ZNF704: variants seen among roughly 807,000 people sequenced by gnomAD.
ZNF704 encodes zinc finger protein 704, also known as glucocorticoid induced gene 1.
Under a neutral mutation model 44.7 loss-of-function variants are expected in ZNF704, and 10 were observed. The ratio of observed to expected loss-of-function variants is 0.22; its 90% CI spans 0.14 to 0.38. ZNF704 has a LOEUF of 0.38. ZNF704 is among the 10% of genes least tolerant of loss of function. ZNF704 has a pLI of 1.00. For missense variants in ZNF704, 390 were observed against 545.5 expected (o/e 0.71, Z 2.84); for synonymous variants, 211 against 207.6 (o/e 1.02, Z -0.14).
chr8:80,757,521 C>T (rs1807056448), intron 2 of ZNF704, among the ~76,000 whole-genome samples: 2 of 151,356 alleles, frequency 1.3e-5, no homozygotes, highest in African/African-American at 2.4e-5. Flanking sequence ...TAATATATTG[C>T]TGAAGAAATT....
At position 80,828,708 on chromosome 8, in the gene ZNF704, A is replaced by C. The variant is rs889333030; in HGVS notation, c.-21-7093T>G. On this transcript the variant is annotated intron_variant, in intron 1 of 8. Transcript: ENST00000327835. ...GCCATAAGCATAAATCATTTTCAGA[A>C]TACAAGGAGAATATGTGTGTTTGAT... 3.3e-5 allele frequency among the ~76,000 whole-genome samples: 5 copies of C among 152,372 alleles called. No homozygotes were observed. The South Asian group carries it at 6.2e-4, about 19-fold the overall frequency.
chr8:80,652,025 G>A (rs1208730727), intron 7 of ZNF704, among the ~76,000 whole-genome samples: 23 of 151,964 alleles, frequency 1.5e-4, no homozygotes, highest in Admixed American at 9.2e-4. Flanking sequence ...ACTCAAAACC[G>A]CTCAACTACA....
intron 2 of ZNF704, among the ~76,000 whole-genome samples, chr8:80,792,312 AAGTAT>A (rs1423949804): frequency 6.6e-6 from 1 of 152,212 alleles, no homozygotes; most frequent in African/African-American, 2.4e-5. Context: ...AACACCCAAA[AAGTAT>A]GCAAACCCTT....
intron 2 of ZNF704, among the ~76,000 whole-genome samples, chr8:80,731,775 A>G (rs985684314): frequency 2.6e-5 from 4 of 152,114 alleles, no homozygotes; most frequent in African/African-American, 9.7e-5. Flanking sequence ...AAAAAAACAA[A>G]CAAACCAGAA....
the ZNF704 span, among the ~76,000 whole-genome samples, chr8:80,882,486 G>A: frequency 6.6e-6 from 1 of 152,084 alleles, no homozygotes; most frequent in Non-Finnish European, 1.5e-5. Flanking sequence ...ACTTGTGTGA[G>A]CCCTTGGCAT....
intron 1 of ZNF704, among the ~76,000 whole-genome samples, chr8:80,836,109 G>A (rs1184009930): frequency 6.6e-6 from 1 of 152,092 alleles, no homozygotes; most frequent in Non-Finnish European, 1.5e-5. Context: ...CCCCTCCTTG[G>A]CTGAGAACCC....
intron 2 of ZNF704, among the ~76,000 whole-genome samples, chr8:80,799,087 A>G (rs549413754): frequency 1.3e-5 from 2 of 152,336 alleles, no homozygotes; most frequent in Non-Finnish European, 2.9e-5. Context: ...TGATCCATAA[A>G]TAGAATTAAC....
intron 3 of ZNF704, 49 bp downstream of exon 3, chr8:80,692,955 G>A (rs770975712): frequency 6.6e-7 from 1 of 1,521,712 alleles, no homozygotes; most frequent in South Asian, 1.1e-5. Flanking sequence ...GAAAGGCCCT[G>A]CTCTTGGTGT....
chr8:80,653,972 G>A (rs1265221503), intron 7 of ZNF704, among the ~76,000 whole-genome samples: 1 of 152,196 alleles, frequency 6.6e-6, no homozygotes, highest in Non-Finnish European at 1.5e-5. Context: ...AAATAGCATG[G>A]TAATGGTACC....
rs1250539826 is a variant in ZNF704, at chr8:80,630,909, C to T, written c.*10457G>A. ...TTTTAAAAAAAACATGTATGATCCA[C>T]ATTCCTGGGTTAGTTTACACCCAGG... On this transcript the variant is annotated 3_prime_UTR_variant, in exon 9 of 9. Coordinates refer to ENST00000327835, the MANE Select transcript of ZNF704 (RefSeq NM_001033723.3). 1 of 152,102 alleles carries T rather than the reference C, an allele frequency of 6.6e-6. No homozygotes were observed. Among genetic ancestry groups the T allele is most frequent in the Admixed American group, 6.5e-5 (1 of 15,270 alleles). 9.4% of individuals were successfully genotyped at this position (152,102 alleles called of 1,614,324 possible).
intron 2 of ZNF704, among the ~76,000 whole-genome samples, chr8:80,715,634 T>C (rs543726570): frequency 1.3e-5 from 2 of 152,322 alleles, no homozygotes; most frequent in Non-Finnish European, 2.9e-5. Context: ...CAAAACTTCT[T>C]GCACATTAGA....
chr8:80,838,234 C>T (rs940759910), intron 1 of ZNF704, among the ~76,000 whole-genome samples: 1 of 152,186 alleles, frequency 6.6e-6, no homozygotes, highest in Non-Finnish European at 1.5e-5. Flanking sequence ...TCAACAGAAA[C>T]TTTAAGACAT....
At chr8:80,681,262 T>C (rs965892486) in intron 4 of ZNF704, among the ~76,000 whole-genome samples, 2 of 152,210 alleles carry the variant, frequency 1.3e-5, no homozygotes, top group African/African-American at 4.8e-5. Flanking sequence ...CTGGGTCATA[T>C]GGTAAGTGTA....
chr8:80,739,997 G>C lies in ZNF704; in HGVS notation c.222-46890C>G, dbSNP rs143743474. Among the ~76,000 whole-genome samples the C allele has an allele frequency of 1.4e-3, 208 of 152,206 alleles. 1 individual carries two copies. Among genetic ancestry groups the C allele is most frequent in the African/African-American group, 4.5e-3 (188 of 41,522 alleles). On this transcript the variant is annotated intron_variant, in intron 2 of 8. Coordinates refer to ENST00000327835, the MANE Select transcript of ZNF704 (RefSeq NM_001033723.3). ...CCCTCACAGAACCCCGGGTATGCTTGACCATTGAGGGTCAGGAGGTTAACT... is the reference window on the plus strand; with the variant it reads ...CCCTCACAGAACCCCGGGTATGCTTCACCATTGAGGGTCAGGAGGTTAACT...
chr8:80,654,874 A>C (rs990830960), intron 7 of ZNF704, among the ~76,000 whole-genome samples: 33 of 152,374 alleles, frequency 2.2e-4, no homozygotes, highest in African/African-American at 7.9e-4. Context: ...TCATGCTGCT[A>C]TAAAGACACA....
At chr8:80,804,191 G>A (rs1434463107) in intron 2 of ZNF704, among the ~76,000 whole-genome samples, 1 of 152,120 alleles carries the variant, frequency 6.6e-6, no homozygotes, top group Non-Finnish European at 1.5e-5. Context: ...ATGCTGGTGA[G>A]GTTGCAGAGA....
At chr8:80,665,853 T>G (rs1303782822) in intron 5 of ZNF704, among the ~76,000 whole-genome samples, 1 of 151,880 alleles carries the variant, frequency 6.6e-6, no homozygotes, top group Non-Finnish European at 1.5e-5. Flanking sequence ...TGATTGTAAG[T>G]TTCCTGAGAC....
chr8:80,654,938 A>G (rs1468274494), intron 7 of ZNF704, among the ~76,000 whole-genome samples: 2 of 152,332 alleles, frequency 1.3e-5, no homozygotes, highest in East Asian at 1.9e-4. Context: ...CTTGGAACCA[A>G]CCCAAATGTC....
chr8:80,678,130 A>G (rs772316898), intron 4 of ZNF704, among the ~76,000 whole-genome samples: 1 of 152,218 alleles, frequency 6.6e-6, no homozygotes, highest in Non-Finnish European at 1.5e-5. Flanking sequence ...TGTAGGAAAA[A>G]TTACTAATTT....
Sources: allele counts gnomAD v4.1 joint callset (sites outside exome capture counted in the v4.1 genomes callset), GRCh38; gene constraint gnomAD v4.1.1; transcripts MANE v1.5; gene names NCBI Gene and HGNC (gene_info 2026-07-23, HGNC 2026-07-21).